OR51T1: variants seen among roughly 807,000 people sequenced by gnomAD.
The protein encoded by OR51T1 is olfactory receptor family 51 subfamily T member 1.
For synonymous variants in OR51T1, 188 were observed against 152.6 expected, an observed-to-expected ratio of 1.23 and a Z score of -1.71; for missense variants, 439 against 398.5, an observed-to-expected ratio of 1.10 and a Z score of -0.87.
rs187810387 is a variant in OR51T1 at position 4,882,638 on chromosome 11, A to G, written c.739A>G (p.Ile247Val). 8.7e-6 allele frequency: 14 copies of G among 1,613,888 alleles called. No homozygotes were observed. The highest frequency in any genetic ancestry group is 1.7e-4 in the Middle Eastern group (1 of 6,056). Reference protein sequence around the residue: ...QKALSTCVCHICAVTIFYVPL... With the variant: ...QKALSTCVCHVCAVTIFYVPL... ...AGCTCTCAGCACTTGTGTCTGTCAC[A>G]TCTGTGCAGTCACTATTTTCTATGT... Residue 247 changes from isoleucine (I) to valine (V), a missense_variant, in exon 1 of 1, where the codon ATC becomes GTC. Physicochemically the swap from Ile to Val is conservative, Grantham distance 29 (BLOSUM62 3). Transcript: ENST00000322049.
rs765093706 is a variant in OR51T1, at chr11:4,882,854, G to C, written c.955G>C (p.Val319Leu). The C allele has an allele frequency of 3.9e-5, 63 of 1,613,500 alleles. No individual in the cohort carries two copies. The highest frequency in any genetic ancestry group is 4.2e-5 in the Non-Finnish European group (49 of 1,179,754). Residue 319 changes from valine (V) to leucine (L), a missense_variant, in exon 1 of 1, where the codon GTG becomes CTG. Physicochemically the swap from Val to Leu is conservative, Grantham distance 32. Transcript: ENST00000322049. Reference sequence around the variant, plus strand: ...ATCCAAGGGTTCATGGGGTTTTAATGTGAGGGGTCTTAGGGGAAGATGGGA... The same window carrying C: ...ATCCAAGGGTTCATGGGGTTTTAATCTGAGGGGTCTTAGGGGAAGATGGGA... ...LQSKGSWGFN[V>L]RGLRGRWD
rs1028470828 is a variant in OR51T1 at position 4,882,769 on chromosome 11, C to T, written c.870C>T (p.Asn290=). Residue 290 remains asparagine (N), a synonymous_variant, in exon 1 of 1, where the codon AAC becomes AAT. Coordinates refer to ENST00000322049, the MANE Select transcript of OR51T1 (RefSeq NM_001004759.3). ...NIYLLLPPVL[N]PIIYSLKTKT... is the part of the protein sequence containing the mutation. The stretch of plus-strand genomic sequence containing the variant: ...ATCTGCTCTTACCACCTGTGCTGAA[C>T]CCTATCATTTACAGCTTGAAGACCA... 2 of 1,613,782 alleles carry T rather than the reference C, an allele frequency of 1.2e-6. No individual in the cohort carries two copies. Among genetic ancestry groups the T allele is most frequent in the African/African-American group, 1.3e-5 (1 of 74,868 alleles).
At position 4,882,759 on chromosome 11, in the gene OR51T1, C is replaced by T. The variant is rs762379667; in HGVS notation, c.860C>T (p.Pro287Leu). 6.2e-7 allele frequency: 1 copy of T among 1,613,892 alleles called. No homozygotes were observed. The highest frequency in any genetic ancestry group is 8.5e-7 in the Non-Finnish European group (1 of 1,179,872). ...GCCAATATTTATCTGCTCTTACCAC[C>T]TGTGCTGAACCCTATCATTTACAGC... ...TLANIYLLLP[P>L]VLNPIIYSLK... The change falls in exon 1 of 1, where the codon CCT becomes CTT. Residue 287 changes from proline (P) to leucine (L), a missense_variant. Coordinates refer to ENST00000322049, the MANE Select transcript of OR51T1 (RefSeq NM_001004759.3).
rs1365994732 is a variant in OR51T1, at chr11:4,882,096, C to G, written c.197C>G (p.Ser66Cys). ...RLHKPMYYFL[S>C]MLAAVDLCLT... ...CACAAACCCATGTATTATTTCCTCT[C>G]CATGCTGGCAGCTGTTGATCTATGT... The change falls in exon 1 of 1, where the codon TCC (serine) becomes TGC (cysteine). Residue 66 changes from serine (S) to cysteine (C), a missense_variant. By Grantham distance (112) the Ser-to-Cys change is moderately radical (BLOSUM62 -1). Transcript: ENST00000322049. 1.2e-6 allele frequency: 2 copies of G among 1,613,962 alleles called. No homozygotes were observed. The highest frequency in any genetic ancestry group is 2.2e-5 in the East Asian group (1 of 44,848).
rs1335661567 is a variant in OR51T1 at position 4,882,590 on chromosome 11, G to A, written c.691G>A (p.Val231Met). Residue 231 changes from valine (V) to methionine (M), a missense_variant, in exon 1 of 1, where the codon GTG becomes ATG. Transcript: ENST00000322049. ...GATCCTCCGTACTGTTCTGGGCATT[G>A]TGGCCCGAAAGAAGCAACAAAAAGC... is the stretch of plus-strand genomic sequence containing the variant. ...VLILRTVLGIVARKKQQKALS... is the reference protein window; with the variant it reads ...VLILRTVLGIMARKKQQKALS... 1 of 1,613,888 alleles carries A rather than the reference G, an allele frequency of 6.2e-7. No individual in the cohort carries two copies. The highest frequency in any genetic ancestry group is 1.1e-5 in the South Asian group (1 of 91,074).
In OR51T1 at chr11:4,881,923, T is replaced by C. The variant is rs746547802; in HGVS notation, c.24T>C (p.Thr8=). The change falls in exon 1 of 1, where the codon ACT becomes ACC. Residue 8 remains threonine (T), a synonymous_variant. Transcript: ENST00000322049. The stretch of plus-strand genomic sequence containing the variant: ...CCATGGCAATATTCAATAACACCAC[T>C]TCGTCTTCCTCAAACTTCCTCCTCA... The part of the protein sequence containing the change: MAIFNNT[T]SSSSNFLLTA... 1 of 1,613,414 alleles carries C rather than the reference T, an allele frequency of 6.2e-7. No homozygotes were observed. Among genetic ancestry groups the C allele is most frequent in the East Asian group, 2.2e-5 (1 of 44,844 alleles).
At position 4,881,953 on chromosome 11, in the gene OR51T1, A is replaced by G. The variant is rs1474953251; in HGVS notation, c.54A>G (p.Ala18=). 6.2e-7 allele frequency: 1 copy of G among 1,613,902 alleles called. No homozygotes were observed. The highest frequency in any genetic ancestry group is 1.1e-5 in the South Asian group (1 of 91,070). The stretch of plus-strand genomic sequence containing the variant: ...CTTCCTCAAACTTCCTCCTCACTGC[A>G]TTCCCTGGGCTGGAATGTGCTCATG... ...TSSSSNFLLT[A]FPGLECAHVW... is the part of the protein sequence containing the mutation. The change falls in exon 1 of 1, where the codon GCA becomes GCG. Residue 18 remains alanine (A), a synonymous_variant. Transcript: ENST00000322049.
Position 4,882,809 on chromosome 11 carries a change from G to A in OR51T1, c.910G>A (p.Ala304Thr), listed in dbSNP as rs140826363. The change falls in exon 1 of 1, where the codon GCT becomes ACT. Residue 304 changes from alanine (A) to threonine (T), a missense_variant. Transcript: ENST00000322049. ...CTTGAAGACCAAGACAATCCGCCAG[G>A]CTATGTTCCAGCTGCTCCAATCCAA... ...YSLKTKTIRQ[A>T]MFQLLQSKGS... 3.1e-6 allele frequency: 5 copies of A among 1,613,708 alleles called. No homozygotes were observed. Among genetic ancestry groups the A allele is most frequent in the Admixed American group, 1.7e-5 (1 of 59,954 alleles).
rs759283168 is a variant in OR51T1 at position 4,882,607 on chromosome 11, AC to A, written c.709del (p.Gln237LysfsTer21). The A allele has an allele frequency of 7.4e-6, 12 of 1,613,954 alleles. No individual in the cohort carries two copies. The South Asian group carries it at 1.1e-4, about 15-fold the overall frequency. On this transcript the variant is annotated frameshift_variant, in exon 1 of 1. Coordinates refer to ENST00000322049, the MANE Select transcript of OR51T1 (RefSeq NM_001004759.3). LOFTEE classifies it low-confidence loss of function (END_TRUNC). ...TGGGCATTGTGGCCCGAAAGAAGCAACAAAAAGCTCTCAGCACTTGTGTCTG... is the reference window on the plus strand; with the variant it reads ...TGGGCATTGTGGCCCGAAAGAAGCAAAAAAAGCTCTCAGCACTTGTGTCTG... ...VLGIVARKKQ[Q>X]KALSTCVCHI...
chr11:4,882,836 G>T lies in OR51T1; in HGVS notation c.937G>T (p.Gly313Cys), dbSNP rs927693758. Residue 313 changes from glycine (G) to cysteine (C), a missense_variant, in exon 1 of 1, where the codon GGT becomes TGT. Physicochemically the swap from Gly to Cys is radical, Grantham distance 159 (BLOSUM62 -3). Transcript: ENST00000322049. ...QAMFQLLQSK[G>C]SWGFNVRGLR... ...TATGTTCCAGCTGCTCCAATCCAAG[G>T]GTTCATGGGGTTTTAATGTGAGGGG... The T allele has an allele frequency of 5.6e-6, 9 of 1,613,704 alleles. No homozygotes were observed. The highest frequency in any genetic ancestry group is 2.2e-5 in the East Asian group (1 of 44,826).
rs747668230 is a variant in OR51T1 at position 4,882,709 on chromosome 11, C to T, written c.810C>T (p.Thr270=). The change falls in exon 1 of 1, where the codon ACC becomes ACT. Residue 270 remains threonine, a synonymous_variant. Transcript: ENST00000322049. ...LSLAHRLFHS[T]PRVLCSTLAN... ...TGGCACACCGCCTCTTCCACTCCAC[C>T]CCAAGGGTGCTCTGTAGCACTTTGG... is the stretch of plus-strand genomic sequence containing the variant. 1 of 1,613,960 alleles carries T rather than the reference C, an allele frequency of 6.2e-7. No homozygotes were observed. Among genetic ancestry groups the T allele is most frequent in the Non-Finnish European group, 8.5e-7 (1 of 1,179,934 alleles).
Position 4,882,003 on chromosome 11 carries a change from G to C in OR51T1, c.104G>C (p.Cys35Ser), listed in dbSNP as rs774819211. Reference protein sequence around the residue: ...AHVWISIPVCCLYTIALLGNS... With the variant: ...AHVWISIPVCSLYTIALLGNS... ...GTCTGGATCTCCATTCCAGTCTGCTGTCTCTACACCATTGCCCTCTTGGGA... is the reference window on the plus strand; with the variant it reads ...GTCTGGATCTCCATTCCAGTCTGCTCTCTCTACACCATTGCCCTCTTGGGA... The change falls in exon 1 of 1, where the codon TGT becomes TCT. Residue 35 changes from cysteine to serine, a missense_variant. Physicochemically the swap from Cys to Ser is moderately radical, Grantham distance 112. Transcript: ENST00000322049. The C allele has an allele frequency of 2.5e-6, 4 of 1,613,836 alleles. No homozygotes were observed. The highest frequency in any genetic ancestry group is 2.2e-5 in the South Asian group (2 of 91,068).
Position 4,882,474 on chromosome 11 carries a change from C to G in OR51T1, c.575C>G (p.Ser192Cys), listed in dbSNP as rs1384900179. 1.2e-6 allele frequency: 2 copies of G among 1,613,922 alleles called. No individual in the cohort carries two copies. The highest frequency in any genetic ancestry group is 1.7e-4 in the Middle Eastern group (1 of 6,052). The change falls in exon 1 of 1, where the codon TCC becomes TGC. Residue 192 changes from serine to cysteine, a missense_variant. Physicochemically the swap from Ser to Cys is moderately radical, Grantham distance 112. Transcript: ENST00000322049. ...YHPEVIKYTY[S>C]KPWISSFWGL... Reference sequence around the variant, plus strand: ...CCAGAAGTGATCAAATACACATATTCCAAACCTTGGATCAGCAGTTTTTGG... The same window carrying G: ...CCAGAAGTGATCAAATACACATATTGCAAACCTTGGATCAGCAGTTTTTGG...
Position 4,882,840 on chromosome 11 carries a change from C to T in OR51T1, c.941C>T (p.Ser314Leu). ...TTCCAGCTGCTCCAATCCAAGGGTT[C>T]ATGGGGTTTTAATGTGAGGGGTCTT... ...AMFQLLQSKG[S>L]WGFNVRGLRG... Residue 314 changes from serine (S) to leucine (L), a missense_variant, in exon 1 of 1, where the codon TCA (serine) becomes TTA (leucine). Physicochemically the swap from Ser to Leu is moderately radical, Grantham distance 145 (BLOSUM62 -2). Transcript: ENST00000322049. 1 of 1,613,684 alleles carries T rather than the reference C, an allele frequency of 6.2e-7. No individual in the cohort carries two copies. The highest frequency in any genetic ancestry group is 1.1e-5 in the South Asian group (1 of 91,036).
Position 4,882,801 on chromosome 11 carries a change from T to C in OR51T1, c.902T>C (p.Ile301Thr), listed in dbSNP as rs777361403. 6 of 1,613,680 alleles carry C rather than the reference T, an allele frequency of 3.7e-6. No individual in the cohort carries two copies. The highest frequency in any genetic ancestry group is 5.1e-6 in the Non-Finnish European group (6 of 1,179,804). Residue 301 changes from isoleucine to threonine, a missense_variant, in exon 1 of 1, where the codon ATC (isoleucine) becomes ACC (threonine). Physicochemically the swap from Ile to Thr is moderately conservative, Grantham distance 89. Coordinates refer to ENST00000322049, the MANE Select transcript of OR51T1 (RefSeq NM_001004759.3). ...ATTTACAGCTTGAAGACCAAGACAA[T>C]CCGCCAGGCTATGTTCCAGCTGCTC... is the stretch of plus-strand genomic sequence containing the variant. The part of the protein sequence containing the change: ...PIIYSLKTKT[I>T]RQAMFQLLQS...
In OR51T1 at chr11:4,881,952, C is replaced by T. The variant is rs1850471028; in HGVS notation, c.53C>T (p.Ala18Val). ...TSSSSNFLLTAFPGLECAHVW... is the reference protein window; with the variant it reads ...TSSSSNFLLTVFPGLECAHVW... ...TCTTCCTCAAACTTCCTCCTCACTGCATTCCCTGGGCTGGAATGTGCTCAT... is the reference window on the plus strand; with the variant it reads ...TCTTCCTCAAACTTCCTCCTCACTGTATTCCCTGGGCTGGAATGTGCTCAT... Residue 18 changes from alanine (A) to valine (V), a missense_variant, in exon 1 of 1, where the codon GCA becomes GTA. Coordinates refer to ENST00000322049, the MANE Select transcript of OR51T1 (RefSeq NM_001004759.3). 1 of 1,613,882 alleles carries T rather than the reference C, an allele frequency of 6.2e-7. No homozygotes were observed.
rs1392423866 is a variant in OR51T1, at chr11:4,882,351, G to T, written c.452G>T (p.Cys151Phe). ...GTCCTGGTGATAGGGCTGGTCATCT[G>T]CATTAGACCAGCAGTTTTCTTACTT... ...RMVLVIGLVI[C>F]IRPAVFLLPL... is the part of the protein sequence containing the mutation. Residue 151 changes from cysteine (C) to phenylalanine (F), a missense_variant, in exon 1 of 1, where the codon TGC (cysteine) becomes TTC (phenylalanine). Physicochemically the swap from Cys to Phe is radical, Grantham distance 205. Transcript: ENST00000322049. The T allele has an allele frequency of 1.9e-6, 3 of 1,613,918 alleles. No individual in the cohort carries two copies. Among genetic ancestry groups the T allele is most frequent in the Non-Finnish European group, 2.5e-6 (3 of 1,179,954 alleles).
chr11:4,882,803 C>T lies in OR51T1; in HGVS notation c.904C>T (p.Arg302Cys), dbSNP rs201004265. 3.5e-5 allele frequency: 56 copies of T among 1,613,708 alleles called. No individual in the cohort carries two copies. The highest frequency in any genetic ancestry group is 3.3e-4 in the Middle Eastern group (2 of 6,078). Residue 302 changes from arginine to cysteine, a missense_variant, in exon 1 of 1, where the codon CGC (arginine) becomes TGC (cysteine). By Grantham distance (180) the Arg-to-Cys change is radical. Coordinates refer to ENST00000322049, the MANE Select transcript of OR51T1 (RefSeq NM_001004759.3). ...TTACAGCTTGAAGACCAAGACAATC[C>T]GCCAGGCTATGTTCCAGCTGCTCCA... is the stretch of plus-strand genomic sequence containing the variant. ...IIYSLKTKTI[R>C]QAMFQLLQSK...
chr11:4,882,183 G>A lies in OR51T1; in HGVS notation c.284G>A (p.Ser95Asn), dbSNP rs1231672259. 5.6e-6 allele frequency: 9 copies of A among 1,613,922 alleles called. No homozygotes were observed. The South Asian group carries it at 8.8e-5, about 16-fold the overall frequency. Residue 95 changes from serine (S) to asparagine (N), a missense_variant, in exon 1 of 1, where the codon AGC becomes AAC. Coordinates refer to ENST00000322049, the MANE Select transcript of OR51T1 (RefSeq NM_001004759.3). Reference protein sequence around the residue: ...GVLWFHAREISFKACFIQMFF... With the variant: ...GVLWFHAREINFKACFIQMFF... The stretch of plus-strand genomic sequence containing the variant: ...CTCTGGTTTCATGCCCGGGAGATCA[G>A]CTTTAAAGCTTGCTTCATTCAAATG...
Sources: gnomAD v4.1 joint callset for allele counts on GRCh38, gnomAD v4.1.1 for gene constraint, MANE v1.5 for transcripts, NCBI Gene and HGNC (gene_info 2026-07-23, HGNC 2026-07-21) for gene names.